The following SLCO3A1 variants were observed in gnomAD, a reference collection of about 807,000 sequenced individuals.
SLCO3A1 encodes PGE1 transporter.
SLCO3A1 carries 27 observed loss-of-function variants against 63.1 expected under a neutral mutation model. The ratio of observed to expected loss-of-function variants is 0.43; its 90% CI spans 0.32 to 0.59. The LOEUF is 0.59. Ranked by LOEUF, SLCO3A1 falls within the 20% of genes least tolerant of loss-of-function variation. The probability of loss-of-function intolerance (pLI) is 0.09; values close to 1 mark genes in which losing one functional copy is unlikely to be tolerated. For synonymous variants in SLCO3A1, 473 were observed against 409.9 expected (o/e 1.15, Z -1.86); for missense variants, 773 against 945.8 (o/e 0.82, Z 2.40).
intron 4 of SLCO3A1, among the ~76,000 whole-genome samples, chr15:92,105,453 G>A (rs2047656609): frequency 6.6e-6 from 1 of 152,092 alleles, no homozygotes. Flanking sequence ...AGAAAAAAAA[G>A]TGCAACTTTT....
chr15:92,164,044 A>AAAT lies in SLCO3A1; in HGVS notation c.*911_*913dup. On this transcript the variant is annotated 3_prime_UTR_variant, in exon 10 of 10. Transcript: ENST00000318445. ...ACATTTTGCCATTTTTAAAAGAAAA[A>AAAT]AATACAATCCATATGAATTTCAAAC... is the stretch of plus-strand genomic sequence containing the variant. 1.0e-6 allele frequency: 1 copy of AAAT among 984,870 alleles called. No homozygotes were observed. The highest frequency in any genetic ancestry group is 1.2e-6 in the Non-Finnish European group (1 of 829,376). 61.0% of individuals were successfully genotyped at this position (984,870 alleles called of 1,614,324 possible).
Position 91,885,079 on chromosome 15 carries a change from G to A in SLCO3A1, c.181-30914G>A, listed in dbSNP as rs1254151776. Among the ~76,000 whole-genome samples, 3 of 152,090 alleles carry A rather than the reference G, an allele frequency of 2.0e-5. No homozygotes were observed. Among genetic ancestry groups the A allele is most frequent in the Non-Finnish European group, 2.9e-5 (2 of 68,020 alleles). ...TCCTTTAGAAGTAAAAAGCCTTTCCGTCCCATATAGGGACACAGAAAGGAG... is the reference window on the plus strand; with the variant it reads ...TCCTTTAGAAGTAAAAAGCCTTTCCATCCCATATAGGGACACAGAAAGGAG... On this transcript the variant is annotated intron_variant, in intron 1 of 9. Coordinates refer to ENST00000318445, the MANE Select transcript of SLCO3A1 (RefSeq NM_013272.4). This position sits in a 1 kb window ranked among gnomAD's most constrained non-coding sequence, Gnocchi z 4.7.
chr15:92,123,361 C>T lies in SLCO3A1; in HGVS notation c.1175-2700C>T, dbSNP rs934544655. Among the ~76,000 whole-genome samples the T allele has an allele frequency of 3.4e-4, 52 of 152,018 alleles. 1 individual carries two copies. The highest frequency in any genetic ancestry group is 7.4e-5 in the Non-Finnish European group (5 of 68,004). On this transcript the variant is annotated intron_variant, in intron 5 of 9. Transcript: ENST00000318445. Reference sequence around the variant, plus strand: ...GGTGGAGGTTGCAGTGAGCCGAGATCGCGCCATTGCACTCCAGCCTGGGGG... The same window carrying T: ...GGTGGAGGTTGCAGTGAGCCGAGATTGCGCCATTGCACTCCAGCCTGGGGG...
chr15:91,921,546 GT>G (rs905294863), intron 2 of SLCO3A1, among the ~76,000 whole-genome samples: 22 of 149,930 alleles, frequency 1.5e-4, no homozygotes, highest in East Asian at 3.9e-4. Context: ...TGATGATATA[GT>G]TTTTTTTTTA....
At chr15:92,041,491 G>T (rs1002676442) in intron 2 of SLCO3A1, among the ~76,000 whole-genome samples, 1 of 152,144 alleles carries the variant, frequency 6.6e-6, no homozygotes, top group Non-Finnish European at 1.5e-5. Context: ...TTTGTATGCT[G>T]TGAATTCAGG....
At chr15:92,085,331 A>C (rs922501880) in intron 2 of SLCO3A1, among the ~76,000 whole-genome samples, 1 of 152,194 alleles carries the variant, frequency 6.6e-6, no homozygotes, top group African/African-American at 2.4e-5. Flanking sequence ...AGCAAAGTTT[A>C]GTTGTTTTTG....
At chr15:92,153,298 G>A (rs1163363172) in intron 9 of SLCO3A1, among the ~76,000 whole-genome samples, 1 of 151,774 alleles carries the variant, frequency 6.6e-6, no homozygotes, top group East Asian at 1.9e-4. Context: ...GACACATTCT[G>A]ACATTTTCTA....
intron 2 of SLCO3A1, among the ~76,000 whole-genome samples, chr15:92,040,238 C>A (rs1241997251): frequency 1.3e-5 from 2 of 152,138 alleles, no homozygotes; most frequent in East Asian, 3.9e-4. Flanking sequence ...AGGGCGCATG[C>A]AATTTGGCAC....
intron 2 of SLCO3A1, among the ~76,000 whole-genome samples, chr15:91,928,074 A>G (rs1207644333): frequency 1.3e-5 from 2 of 152,234 alleles, no homozygotes; most frequent in Non-Finnish European, 2.9e-5. Flanking sequence ...AATGTCTCCC[A>G]CATTGGTGCT....
At chr15:91,866,658 G>A (rs938414244) in intron 1 of SLCO3A1, among the ~76,000 whole-genome samples, 4 of 151,806 alleles carry the variant, frequency 2.6e-5, no homozygotes, top group Non-Finnish European at 4.4e-5. Context: ...TAAGTGCTGC[G>A]AGCAATATAG....
At chr15:92,170,850 T>C (rs1310081188), downstream of SLCO3A1, 1 of 152,252 alleles carries the variant, frequency 6.6e-6, no homozygotes, top group African/African-American at 2.4e-5. Context: ...GCCTTTATCT[T>C]ATTCATTCTG....
At position 91,913,897 on chromosome 15, in the gene SLCO3A1, T is replaced by C. The variant is rs1426831283; in HGVS notation, c.181-2096T>C. On this transcript the variant is annotated intron_variant, in intron 1 of 9. Coordinates refer to ENST00000318445, the MANE Select transcript of SLCO3A1 (RefSeq NM_013272.4). ...TTTTCCTGTTCATTTCCATTGCCAG[T>C]GTGTTGACGTGGCCTTTTCTTCTCC... Among the ~76,000 whole-genome samples, 4 of 152,170 alleles carry C rather than the reference T, an allele frequency of 2.6e-5. No individual in the cohort carries two copies. The East Asian group carries it at 7.7e-4, about 29-fold the overall frequency.
At chr15:92,107,854 C>A (rs1179745101) in intron 4 of SLCO3A1, among the ~76,000 whole-genome samples, 1 of 152,234 alleles carries the variant, frequency 6.6e-6, no homozygotes, top group Non-Finnish European at 1.5e-5. Flanking sequence ...AGCTCAGTCG[C>A]TTCTTAATCA....
Position 91,947,230 on chromosome 15 carries a change from C to CCTCCTTGT in SLCO3A1, c.646+30774_646+30781dup. Among the ~76,000 whole-genome samples, 3 of 152,336 alleles carry CCTCCTTGT rather than the reference C, an allele frequency of 2.0e-5. No individual in the cohort carries two copies. The East Asian group carries it at 5.8e-4, about 29-fold the overall frequency. ...TGGGTGCACCTCTAATCATACGACC[C>CCTCCTTGT]CTCCTTGTCGAGGACCGTCTTTTCC... On this transcript the variant is annotated intron_variant, in intron 2 of 9. Transcript: ENST00000318445.
chr15:92,170,139 A>G (rs1042133389), downstream of SLCO3A1, among the ~76,000 whole-genome samples: 2 of 152,202 alleles, frequency 1.3e-5, no homozygotes, highest in Non-Finnish European at 2.9e-5. Flanking sequence ...AGATTCTCAC[A>G]CTAACCTTAT....
chr15:92,062,718 A>C (rs903243633), intron 2 of SLCO3A1, among the ~76,000 whole-genome samples: 3 of 151,992 alleles, frequency 2.0e-5, no homozygotes, highest in Non-Finnish European at 4.4e-5. Context: ...ATGCCAGGTC[A>C]CTCTCTCGGG....
intron 3 of SLCO3A1, among the ~76,000 whole-genome samples, chr15:92,099,666 A>G (rs1643282219): frequency 6.6e-6 from 1 of 152,222 alleles, no homozygotes; most frequent in African/African-American, 2.4e-5. Flanking sequence ...AACCTTTGAC[A>G]GAGAGAGCAA....
At chr15:92,099,734 A>G (rs2047581732) in intron 3 of SLCO3A1, among the ~76,000 whole-genome samples, 1 of 152,196 alleles carries the variant, frequency 6.6e-6, no homozygotes, top group Non-Finnish European at 1.5e-5. Flanking sequence ...AACAACCCAG[A>G]AGTCAGATAC....
rs58284139 is a variant in SLCO3A1, at chr15:91,853,713, CGCGGCG to C, written c.-180_-175del. 6.1e-5 allele frequency: 21 copies of C among 341,816 alleles called. No homozygotes were observed. The highest frequency in any genetic ancestry group is 2.5e-4 in the African/African-American group (11 of 44,158). 21.2% of individuals were successfully genotyped at this position (341,816 alleles called of 1,614,324 possible). On this transcript the variant is annotated 5_prime_UTR_variant, in exon 1 of 10. Coordinates refer to ENST00000318445, the MANE Select transcript of SLCO3A1 (RefSeq NM_013272.4). ...GGGAGGAGGAGGAGGAAGGGGCGAT[CGCGGCG>C]GCGGCGGCGGCGGCGAGGAGCTGTG...
Sources: gnomAD v4.1 joint callset for allele counts (sites outside exome capture counted in the v4.1 genomes callset) on GRCh38, gnomAD v4.1.1 for gene constraint, Gnocchi (gnomAD v3.1) non-coding constraint, MANE v1.5 for transcripts, NCBI Gene and HGNC (gene_info 2026-07-23, HGNC 2026-07-21) for gene names.